Variants in SLMAP observed in about 807,000 individuals in gnomAD.
The protein encoded by SLMAP is sarcolemmal membrane-associated protein.
SLMAP carries 44 observed loss-of-function variants against 128.8 expected under a neutral mutation model. The ratio of observed to expected loss-of-function variants is 0.34; its 90% confidence interval spans 0.27 to 0.44. The LOEUF is 0.44. SLMAP is among the 20% of genes least tolerant of loss of function. SLMAP has a pLI of 1.00. For missense variants in SLMAP, 787 were observed against 985.3 expected (o/e 0.80, Z 2.69); for synonymous variants, 327 against 348.8 (o/e 0.94, Z 0.70).
chr3:57,835,017 G>A (rs1165891523), intron 3 of SLMAP, among the ~76,000 whole-genome samples: 1 of 151,316 alleles, frequency 6.6e-6, no homozygotes, highest in Non-Finnish European at 1.5e-5. Context: ...AGCTACTTGG[G>A]AGACTGAAGT....
chr3:57,769,342 T>C (rs2080352875), intron 2 of SLMAP, among the ~76,000 whole-genome samples: 1 of 151,992 alleles, frequency 6.6e-6, no homozygotes. Context: ...ACAGGGCGCC[T>C]GTCACCACGC....
At chr3:57,894,991 T>C (rs545704439) in intron 15 of SLMAP, among the ~76,000 whole-genome samples, 1 of 152,206 alleles carries the variant, frequency 6.6e-6, no homozygotes, top group East Asian at 1.9e-4. Flanking sequence ...CTGCAAATGC[T>C]ACCCTAAAGA....
rs529293704 is a variant in SLMAP at position 57,838,562 on chromosome 3, T to G, written c.347-2737T>G. On this transcript the variant is annotated intron_variant, in intron 3 of 24. Coordinates refer to ENST00000671191, the MANE Select transcript of SLMAP (RefSeq NM_001377540.1). ...CCCTCAAAGAGTTGAATCTAATTGG[T>G]GAGACAACAGTTTCTGTAAATCGTA... Among the ~76,000 whole-genome samples the G allele has an allele frequency of 3.3e-5, 5 of 152,348 alleles. No homozygotes were observed. In the South Asian group the frequency reaches 6.2e-4, roughly 19 times the overall value.
chr3:57,776,652 A>G (rs2082016780), intron 2 of SLMAP, among the ~76,000 whole-genome samples: 3 of 149,742 alleles, frequency 2.0e-5, no homozygotes, highest in Admixed American at 1.3e-4. Context: ...TCAGCCTCCC[A>G]AATAGCTGGG....
chr3:57,801,033 G>A, intron 2 of SLMAP: 2 of 228,070 alleles, frequency 8.8e-6, no homozygotes, highest in South Asian at 1.5e-4. Flanking sequence ...AGAATTTCTG[G>A]GACAGAAAGT....
chr3:57,788,597 G>T (rs1250954006), intron 2 of SLMAP, among the ~76,000 whole-genome samples: 1 of 152,130 alleles, frequency 6.6e-6, no homozygotes, highest in Non-Finnish European at 1.5e-5. Context: ...TGAACAGCTG[G>T]CAGGGAAAAA....
intron 23 of SLMAP, among the ~76,000 whole-genome samples, chr3:57,924,681 A>T (rs1028111150): frequency 6.6e-6 from 1 of 151,942 alleles, no homozygotes; most frequent in African/African-American, 2.4e-5. Context: ...CTGTCTTTAT[A>T]TACCAAACCT....
intron 2 of SLMAP, among the ~76,000 whole-genome samples, chr3:57,808,373 T>C (rs140782838): frequency 1.3e-5 from 2 of 152,306 alleles, no homozygotes; most frequent in African/African-American, 4.8e-5. Context: ...GAGATCCTTC[T>C]AGCTTTCTGA....
At chr3:57,889,362 A>G (rs1397661530) in intron 14 of SLMAP, among the ~76,000 whole-genome samples, 1 of 152,240 alleles carries the variant, frequency 6.6e-6, no homozygotes, top group Non-Finnish European at 1.5e-5. Flanking sequence ...TTGTAAAGCA[A>G]GAGAATAGAA....
At chr3:57,873,927 C>T (rs1009113285) in intron 14 of SLMAP, among the ~76,000 whole-genome samples, 1 of 152,184 alleles carries the variant, frequency 6.6e-6, no homozygotes, top group Non-Finnish European at 1.5e-5. Context: ...TTGAGACGAA[C>T]CTGGCCAACA....
chr3:57,878,253 G>A (rs2095650689), intron 14 of SLMAP, among the ~76,000 whole-genome samples: 1 of 152,148 alleles, frequency 6.6e-6, no homozygotes, highest in African/African-American at 2.4e-5. Context: ...GCAGAAATGA[G>A]TAACCTTATG....
chr3:57,881,750 G>A (rs578003007), intron 14 of SLMAP, among the ~76,000 whole-genome samples: 2 of 152,210 alleles, frequency 1.3e-5, no homozygotes, highest in South Asian at 2.1e-4. Context: ...TGCTGCACCC[G>A]GCCAAAATAT....
At chr3:57,820,688 G>T (rs1346034148) in intron 2 of SLMAP, among the ~76,000 whole-genome samples, 4 of 152,194 alleles carry the variant, frequency 2.6e-5, no homozygotes, top group Non-Finnish European at 5.9e-5. Context: ...GCTGCAAAGG[G>T]CAATTCCAGG....
intron 13 of SLMAP, among the ~76,000 whole-genome samples, chr3:57,867,398 T>C (rs1236133785): frequency 6.6e-6 from 1 of 152,216 alleles, no homozygotes; most frequent in African/African-American, 2.4e-5. Flanking sequence ...AATAGTAGAC[T>C]GTTTTCATAT....
chr3:57,925,806 A>T (rs535172208), intron 23 of SLMAP, 39 bp from the exon 24 acceptor site: 3 of 1,423,630 alleles, frequency 2.1e-6, no homozygotes, highest in Middle Eastern at 1.7e-4. Flanking sequence ...GATTACTTTC[A>T]TAGCATAAAA....
intron 2 of SLMAP, among the ~76,000 whole-genome samples, chr3:57,814,433 GC>G (rs1232117635): frequency 6.6e-6 from 1 of 152,130 alleles, no homozygotes; most frequent in African/African-American, 2.4e-5. Context: ...GAGCCACCGT[GC>G]CCAGTCCTCT....
intron 14 of SLMAP, among the ~76,000 whole-genome samples, chr3:57,888,892 TTTC>T (rs1204835353): frequency 6.6e-6 from 1 of 151,898 alleles, no homozygotes; most frequent in Admixed American, 6.6e-5. Flanking sequence ...TCTGTTTTTT[TTTC>T]TTTTTTTCTG....
chr3:57,905,887 C>G (rs1470762758), intron 17 of SLMAP, among the ~76,000 whole-genome samples: 1 of 151,994 alleles, frequency 6.6e-6, no homozygotes, highest in African/African-American at 2.4e-5. Context: ...GGTAGCCCCA[C>G]AGCAAAGAAT....
chr3:57,848,935 C>G (rs989851816), intron 5 of SLMAP, among the ~76,000 whole-genome samples: 5 of 151,932 alleles, frequency 3.3e-5, no homozygotes, highest in African/African-American at 1.2e-4. Context: ...TCTTGAACTC[C>G]CAACGTCAGG....
Sources: gnomAD v4.1 joint callset for allele counts (sites outside exome capture counted in the v4.1 genomes callset) on GRCh38, gnomAD v4.1.1 for gene constraint, MANE v1.5 for transcripts, NCBI Gene and HGNC (gene_info 2026-07-23, HGNC 2026-07-21) for gene names.